GFRAL: variants seen among roughly 807,000 people sequenced by gnomAD.
GFRAL encodes GDNF family receptor alpha like.
GFRAL carries 36 observed loss-of-function variants against 45.4 expected under a neutral mutation model. The observed-to-expected ratio is 0.79, with a 90% CI of 0.61 to 1.05. GFRAL has a LOEUF of 1.05. Ranked by LOEUF, GFRAL falls within the 50% of genes least tolerant of loss-of-function variation. GFRAL has a pLI of 0.00. For synonymous variants in GFRAL, 166 were observed against 154.1 expected (o/e 1.08, Z -0.57); for missense variants, 507 against 467.5 (o/e 1.08, Z -0.78).
chr6:55,343,772 G>C (rs920667608), intron 3 of GFRAL, among the ~76,000 whole-genome samples: 2 of 152,030 alleles, frequency 1.3e-5, no homozygotes, highest in African/African-American at 2.4e-5. Context: ...AAAATTGACA[G>C]ACTGCTAACA....
At chr6:55,343,385 G>A (rs61416369) in intron 3 of GFRAL, among the ~76,000 whole-genome samples, 59,000 of 151,966 alleles carry the variant, frequency 0.39, 11,865 homozygotes, top group South Asian at 0.63. Flanking sequence ...ACTCCAAACC[G>A]CTCAATTACA....
At chr6:55,342,616 A>G (rs1192580989) in intron 3 of GFRAL, among the ~76,000 whole-genome samples, 1 of 152,092 alleles carries the variant, frequency 6.6e-6, no homozygotes, top group African/African-American at 2.4e-5. Flanking sequence ...AAACTGCATC[A>G]ACCAACGAGC....
chr6:55,378,902 G>A (rs1480079301), intron 6 of GFRAL, among the ~76,000 whole-genome samples: 3 of 151,902 alleles, frequency 2.0e-5, no homozygotes, highest in African/African-American at 7.3e-5. Context: ...GATATACTGG[G>A]TTCGTCTTTC....
chr6:55,379,082 T>C (rs1768572480), intron 6 of GFRAL, among the ~76,000 whole-genome samples: 1 of 152,058 alleles, frequency 6.6e-6, no homozygotes, highest in Non-Finnish European at 1.5e-5. Flanking sequence ...ACCTGAGAGC[T>C]TGAATGAGAT....
chr6:55,332,902 T>C (rs536074556), intron 2 of GFRAL, among the ~76,000 whole-genome samples: 1 of 133,398 alleles, frequency 7.5e-6, no homozygotes, highest in South Asian at 2.3e-4. Flanking sequence ...TGGTAGAACA[T>C]AGTCAATTTA....
At chr6:55,395,173 A>ATATATATATATAT (rs35935725) in intron 6 of GFRAL, among the ~76,000 whole-genome samples, 46 of 103,554 alleles carry the variant, frequency 4.4e-4, no homozygotes, top group African/African-American at 2.0e-3. Context: ...AAAAAAAAAA[A>ATATATATATATAT]AAATATATAT....
chr6:55,340,790 C>A (rs116176302), intron 3 of GFRAL, among the ~76,000 whole-genome samples: 1 of 152,144 alleles, frequency 6.6e-6, no homozygotes, highest in East Asian at 1.9e-4. Context: ...GAAGTGGTGA[C>A]GGATGGCACC....
intron 6 of GFRAL, among the ~76,000 whole-genome samples, chr6:55,384,073 G>C (rs1188294826): frequency 2.0e-5 from 3 of 152,000 alleles, no homozygotes; most frequent in African/African-American, 7.2e-5. Flanking sequence ...GTTGAACAAT[G>C]AGAACACATG....
chr6:55,380,448 A>G (rs1027022636), intron 6 of GFRAL, among the ~76,000 whole-genome samples: 2 of 151,946 alleles, frequency 1.3e-5, no homozygotes, highest in African/African-American at 4.8e-5. Flanking sequence ...AAATATAGGT[A>G]TTTAGCCCTA....
chr6:55,336,136 T>C (rs755482644), intron 3 of GFRAL, among the ~76,000 whole-genome samples: 10 of 151,940 alleles, frequency 6.6e-5, no homozygotes, highest in Non-Finnish European at 1.3e-4. Flanking sequence ...TAGAAACGGG[T>C]TTTCGCCATG....
In GFRAL at chr6:55,359,108, C is replaced by T; in HGVS notation, c.922C>T (p.Gln308Ter). ...TGAGGAATCTTTGTGTAAGATTTTC[C>T]AGCACATGCTTCATAGAAAATCATG... is the stretch of plus-strand genomic sequence containing the variant. Reference protein sequence around the residue: ...QSEESLCKIFQHMLHRKSCFN... With the variant: ...QSEESLCKIF The change falls in exon 6 of 9, where the codon CAG becomes TAG. Residue 308 changes from glutamine (Q) to a stop codon, truncating the protein, a stop_gained. Coordinates refer to ENST00000340465, the MANE Select transcript of GFRAL (RefSeq NM_207410.2). LOFTEE classifies it high-confidence loss of function. 1 of 1,612,180 alleles carries T rather than the reference C, an allele frequency of 6.2e-7. No individual in the cohort carries two copies. The highest frequency in any genetic ancestry group is 1.1e-5 in the South Asian group (1 of 90,986).
chr6:55,367,875 T>C (rs180683390), intron 6 of GFRAL, among the ~76,000 whole-genome samples: 7,624 of 151,576 alleles, frequency 0.05, 217 homozygotes, highest in African/African-American at 0.06. Context: ...GCCCTTAACA[T>C]TTTTTCCTTC....
Position 55,399,167 on chromosome 6 carries a change from G to A in GFRAL, c.953-13G>A, listed in dbSNP as rs749066157. The A allele has an allele frequency of 7.1e-7, 1 of 1,414,622 alleles. No homozygotes were observed. Among genetic ancestry groups the A allele is most frequent in the South Asian group, 1.3e-5 (1 of 77,194 alleles). The allele number at this position is 1,414,622 out of a possible 1,614,324, so 87.6% of individuals were successfully genotyped here. On this transcript the variant is annotated splice_polypyrimidine_tract_variant and intron_variant, in intron 6 of 8. Coordinates refer to ENST00000340465, the MANE Select transcript of GFRAL (RefSeq NM_207410.2). ...GATATGTAACTAATCTCATTTTTAT[G>A]ATTTTCTTTCAGATTATCCAACCCT... is the stretch of plus-strand genomic sequence containing the variant.
rs188054660 is a variant in GFRAL at position 55,389,295 on chromosome 6, G to A, written c.953-9885G>A. Among the ~76,000 whole-genome samples, 177 of 152,118 alleles carry A rather than the reference G, an allele frequency of 1.2e-3. 2 individuals are homozygous for A. Among genetic ancestry groups the A allele is most frequent in the South Asian group, 2.9e-3 (14 of 4,806 alleles). The stretch of plus-strand genomic sequence containing the variant: ...AGCCAGCATGTGTTGTTCCCTCTAT[G>A]TGTCTGACCATATATTGAAAGGGTA... On this transcript the variant is annotated intron_variant, in intron 6 of 8. Transcript: ENST00000340465.
chr6:55,351,656 A>C, intron 5 of GFRAL, 73 bp downstream of exon 5: 1 of 1,017,990 alleles, frequency 9.8e-7, no homozygotes. Flanking sequence ...CTAACACTTG[A>C]TCTCATAACA....
intron 6 of GFRAL, among the ~76,000 whole-genome samples, chr6:55,396,986 C>A (rs1193930728): frequency 6.6e-6 from 1 of 151,148 alleles, no homozygotes; most frequent in Non-Finnish European, 1.5e-5. Flanking sequence ...TCAAGTGATC[C>A]TCACACCTCA....
chr6:55,375,968 C>T (rs1005029189), intron 6 of GFRAL, among the ~76,000 whole-genome samples: 8 of 152,120 alleles, frequency 5.3e-5, no homozygotes, highest in Non-Finnish European at 1.0e-4. Context: ...AGCTTTTGCA[C>T]ATTCAGTATA....
intron 3 of GFRAL, among the ~76,000 whole-genome samples, chr6:55,334,232 C>T (rs1296552049): frequency 3.3e-5 from 5 of 152,040 alleles, no homozygotes; most frequent in Non-Finnish European, 5.9e-5. Flanking sequence ...AAGCTTCATT[C>T]GAGTCAGTGG....
chr6:55,352,926 A>G (rs1288051024), intron 5 of GFRAL, among the ~76,000 whole-genome samples: 1 of 152,108 alleles, frequency 6.6e-6, no homozygotes, highest in East Asian at 1.9e-4. Flanking sequence ...CTTATAGTCC[A>G]GAGAGAAGAC....
Sources: allele counts gnomAD v4.1 joint callset (sites outside exome capture counted in the v4.1 genomes callset), GRCh38; gene constraint gnomAD v4.1.1; transcripts MANE v1.5; gene names NCBI Gene and HGNC (gene_info 2026-07-23, HGNC 2026-07-21).